TSPOAP1: variants seen among roughly 807,000 people sequenced by gnomAD.
TSPOAP1 encodes the protein peripheral-type benzodiazepine receptor-associated protein 1.
Under a neutral mutation model 197.0 loss-of-function variants are expected in TSPOAP1, and 87 were observed. That is an observed-to-expected ratio of 0.44 (90% CI 0.37 to 0.53). The LOEUF (loss-of-function observed/expected upper bound fraction) is 0.53, where lower values mean the gene tolerates loss of function less well. Among genes scored for constraint, TSPOAP1 ranks in the 20% least tolerant of loss-of-function variants. The pLI is 0.00. For synonymous variants in TSPOAP1, 913 were observed against 998.9 expected (o/e 0.91, Z 1.62); for missense variants, 2,174 against 2,411.3 (o/e 0.90, Z 2.06).
chr17:58,308,523 C>T lies in TSPOAP1; in HGVS notation c.4731+18G>A, dbSNP rs755504419. ...GGCAGCAGGCAGGGGCTGCCCAGGG[C>T]GGGGAGTGAGCACGGACCCGGGAGA... On this transcript the variant is annotated intron_variant, in intron 22 of 31. Coordinates refer to ENST00000343736, the MANE Select transcript of TSPOAP1 (RefSeq NM_004758.4). 6.9e-5 allele frequency: 104 copies of T among 1,507,316 alleles called. No individual in the cohort carries two copies. Among genetic ancestry groups the T allele is most frequent in the African/African-American group, 8.4e-5 (6 of 71,508 alleles). 93.4% of individuals were successfully genotyped at this position (1,507,316 alleles called of 1,614,324 possible).
chr17:58,309,200 C>T lies in TSPOAP1; in HGVS notation c.4072G>A (p.Gly1358Ser), dbSNP rs747402246. The part of the protein sequence containing the change: ...SGAGCSSRDP[G>S]PPEPALLGLG... ...CCCAGCAATGCAGGTTCAGGCGGGC[C>T]AGGGTCTCGGGAAGAACAGCCTGCC... The change falls in exon 22 of 32, where the codon GGC becomes AGC. Residue 1358 changes from glycine to serine, a missense_variant. Around this residue, in one of 5 missense-constraint regions of TSPOAP1, gnomAD observed 1,933 missense variants for 2,139.0 expected, o/e 0.90. Coordinates refer to ENST00000343736, the MANE Select transcript of TSPOAP1 (RefSeq NM_004758.4). The surrounding 1 kb of genome is among the most constrained non-coding windows in gnomAD (Gnocchi z 5.0). The T allele has an allele frequency of 6.2e-7, 1 of 1,614,046 alleles. No homozygotes were observed. Among genetic ancestry groups the T allele is most frequent in the Non-Finnish European group, 8.5e-7 (1 of 1,180,012 alleles).
chr17:58,310,352 G>T (rs1598061475), intron 20 of TSPOAP1, among the ~76,000 whole-genome samples, 160 bp downstream of exon 20: 1 of 152,232 alleles, frequency 6.6e-6, no homozygotes, highest in African/African-American at 2.4e-5. Flanking sequence ...ATGGGACAGA[G>T]AAATCCTAGA....
intron 26 of TSPOAP1, 125 bp from the exon 27 acceptor site, chr17:58,305,990 T>C (rs571253880): frequency 2.9e-6 from 3 of 1,051,172 alleles, no homozygotes; most frequent in Admixed American, 4.3e-5. Flanking sequence ...CGAGGGCGCA[T>C]CTCCCCAACC....
rs1356397654 is a variant in TSPOAP1 at position 58,306,908 on chromosome 17, A to G, written c.5044T>C (p.Tyr1682His). The G allele has an allele frequency of 6.2e-7, 1 of 1,613,522 alleles. No individual in the cohort carries two copies. Among genetic ancestry groups the G allele is most frequent in the South Asian group, 1.1e-5 (1 of 91,088 alleles). ...TCAGCCACCATGTTGCAGGGAATGT[A>G]GCCTGTCCGGCCCCCACCTTCGCCC... ...YQGEGGGRTG[Y>H]IPCNMVAEVA... The change falls in exon 25 of 32, where the codon TAC becomes CAC. Residue 1682 changes from tyrosine (Y) to histidine (H), a missense_variant. This residue lies in a region of TSPOAP1 where 161 missense variants were observed against 159.1 expected (regional missense o/e 1.01). Coordinates refer to ENST00000343736, the MANE Select transcript of TSPOAP1 (RefSeq NM_004758.4).
chr17:58,323,063 G>A lies in TSPOAP1; in HGVS notation c.1105-24C>T, dbSNP rs553187524. ...TCCTGAGCGGGCAGAGGAGCTCTCA[G>A]GAGGGAGCCCAGCACCCACATTCCC... On this transcript the variant is annotated intron_variant, in intron 7 of 31. Transcript: ENST00000343736. 4 of 1,593,488 alleles carry A rather than the reference G, an allele frequency of 2.5e-6. No individual in the cohort carries two copies. The Admixed American group carries it at 7.1e-5, about 28-fold the overall frequency.
At position 58,327,630 on chromosome 17, in the gene TSPOAP1, G is replaced by A; in HGVS notation, c.291C>T (p.Ala97=). ...CTTCCTCATCCTCTGGCCTCTGGCA[G>A]GCGGGTCCAGAGCTGGATGCTTGCT... The part of the protein sequence containing the change: ...LGQQASSSGP[A]CQRPEDEEVE... Residue 97 remains alanine, a synonymous_variant, in exon 1 of 32, where the codon GCC becomes GCT. Transcript: ENST00000343736. The A allele has an allele frequency of 6.2e-7, 1 of 1,613,562 alleles. No homozygotes were observed.
chr17:58,316,589 G>T, intron 14 of TSPOAP1, 49 bp from the exon 15 acceptor site: 1 of 1,487,690 alleles, frequency 6.7e-7, no homozygotes, highest in Non-Finnish European at 9.2e-7. Flanking sequence ...CTGGGGCCAA[G>T]CGCCAAGCAG....
Position 58,309,866 on chromosome 17 carries a change from GTT to G in TSPOAP1, c.3891+99_3891+100del. 1 of 1,438,060 alleles carries G rather than the reference GTT, an allele frequency of 7.0e-7. No individual in the cohort carries two copies. The highest frequency in any genetic ancestry group is 9.4e-7 in the Non-Finnish European group (1 of 1,065,944). The allele number at this position is 1,438,060 out of a possible 1,614,324, so 89.1% of individuals were successfully genotyped here. On this transcript the variant is annotated intron_variant, in intron 21 of 31. Transcript: ENST00000343736. The surrounding 1 kb of genome is among the most constrained non-coding windows in gnomAD (Gnocchi z 5.0). The stretch of plus-strand genomic sequence containing the variant: ...AGGGCCCAGGCCACAGACCTAGAAT[GTT>G]TCTGGCACTCAGTGGTGGTCAGAGC...
chr17:58,319,002 G>A (rs1971320976), intron 13 of TSPOAP1, 88 bp downstream of exon 13: 6 of 1,351,650 alleles, frequency 4.4e-6, no homozygotes, highest in Non-Finnish European at 5.9e-6. Flanking sequence ...TGGATGAGTT[G>A]CTGGCCTTCT....
Position 58,319,159 on chromosome 17 carries a change from G to A in TSPOAP1, c.1630C>T (p.Leu544Phe). 6.4e-7 allele frequency: 1 copy of A among 1,562,290 alleles called. No homozygotes were observed. The highest frequency in any genetic ancestry group is 1.4e-5 in the African/African-American group (1 of 73,620). The change falls in exon 13 of 32, where the codon CTT (leucine) becomes TTT (phenylalanine). Residue 544 changes from leucine (L) to phenylalanine (F), a missense_variant. Around this residue, in one of 5 missense-constraint regions of TSPOAP1, gnomAD observed 1,933 missense variants for 2,139.0 expected, o/e 0.90. Transcript: ENST00000343736. Reference sequence around the variant, plus strand: ...CAGGGGGGTGGTGGGCAGTCTCCAAGGCTCCCACAGTCCAGGGCAGATGTG... The same window carrying A: ...CAGGGGGGTGGTGGGCAGTCTCCAAAGCTCCCACAGTCCAGGGCAGATGTG... ...LLTSALDCGS[L>F]GDCPPPPCCC... is the part of the protein sequence containing the mutation.
chr17:58,309,246 G>T lies in TSPOAP1; in HGVS notation c.4026C>A (p.Asp1342Glu), dbSNP rs148608257. The change falls in exon 22 of 32, where the codon GAC becomes GAA. Residue 1342 changes from aspartate to glutamate, a missense_variant. Coordinates refer to ENST00000343736, the MANE Select transcript of TSPOAP1 (RefSeq NM_004758.4). The surrounding 1 kb of genome is among the most constrained non-coding windows in gnomAD (Gnocchi z 5.0). ...CTGCCCCTGACTTCTCCTCCTCCTC[G>T]TCCTCCTCTTCCTCTTCCTCCTCCT... Reference protein sequence around the residue: ...IPEEEEEEEEDEEEEKSGAGC... With the variant: ...IPEEEEEEEEEEEEEKSGAGC... The T allele has an allele frequency of 2.4e-5, 39 of 1,613,608 alleles. No individual in the cohort carries two copies. The highest frequency in any genetic ancestry group is 3.2e-5 in the Non-Finnish European group (38 of 1,179,918).
At position 58,322,361 on chromosome 17, in the gene TSPOAP1, G is replaced by C; in HGVS notation, c.1369C>G (p.Gln457Glu). Residue 457 changes from glutamine (Q) to glutamate (E), a missense_variant, in exon 10 of 32, where the codon CAG (glutamine) becomes GAG (glutamate). This residue lies in a region of TSPOAP1 where 1,933 missense variants were observed against 2,139.0 expected (regional missense o/e 0.90). Transcript: ENST00000343736. This position sits in a 1 kb window ranked among gnomAD's most constrained non-coding sequence, Gnocchi z 5.0. ...RRQQLEVEHE[Q>E]ARLSLREKQE... ...TTCTCCCGTAGGCTGAGCCGAGCCT[G>C]TTCATGCTCCACCTCCAGCTGCTGC... is the stretch of plus-strand genomic sequence containing the variant. 1 of 1,606,018 alleles carries C rather than the reference G, an allele frequency of 6.2e-7. No homozygotes were observed. The highest frequency in any genetic ancestry group is 8.5e-7 in the Non-Finnish European group (1 of 1,179,982).
chr17:58,316,247 A>G, intron 15 of TSPOAP1, 115 bp from the exon 16 acceptor site: 1 of 1,121,490 alleles, frequency 8.9e-7, no homozygotes, highest in Non-Finnish European at 1.3e-6. Context: ...GTGGTTGTCC[A>G]CCACCAGCAA....
Position 58,322,387 on chromosome 17 carries a change from C to A in TSPOAP1, c.1343G>T (p.Arg448Leu). The A allele has an allele frequency of 6.2e-7, 1 of 1,606,444 alleles. No individual in the cohort carries two copies. The highest frequency in any genetic ancestry group is 8.5e-7 in the Non-Finnish European group (1 of 1,179,966). ...LKHMREVAQR[R>L]QQLEVEHEQA... Reference sequence around the variant, plus strand: ...TTCATGCTCCACCTCCAGCTGCTGCCGCCGCTGGGCCACCTCCCGCATGTG... The same window carrying A: ...TTCATGCTCCACCTCCAGCTGCTGCAGCCGCTGGGCCACCTCCCGCATGTG... Residue 448 changes from arginine to leucine, a missense_variant, in exon 10 of 32, where the codon CGG becomes CTG. Physicochemically the swap from Arg to Leu is moderately radical, Grantham distance 102. Transcript: ENST00000343736. This position sits in a 1 kb window ranked among gnomAD's most constrained non-coding sequence, Gnocchi z 5.0.
At chr17:58,305,248 G>A (rs1262505190) in intron 29 of TSPOAP1, 77 bp from the exon 30 acceptor site, 3 of 1,485,210 alleles carry the variant, frequency 2.0e-6, no homozygotes, top group Non-Finnish European at 2.8e-6. Flanking sequence ...TGCCCCTGGG[G>A]AACAGCTGGG....
intron 13 of TSPOAP1, 136 bp downstream of exon 13, chr17:58,318,954 G>A (rs1401712899): frequency 5.8e-6 from 6 of 1,042,506 alleles, no homozygotes; most frequent in African/African-American, 4.8e-5. Flanking sequence ...ACAGAACGTG[G>A]TTCTAGCCAG....
rs1482596634 is a variant in TSPOAP1 at position 58,319,310 on chromosome 17, C to T, written c.1495-16G>A. The T allele has an allele frequency of 2.6e-6, 4 of 1,554,124 alleles. No homozygotes were observed. The highest frequency in any genetic ancestry group is 1.9e-5 in the Admixed American group (1 of 52,668). On this transcript the variant is annotated splice_polypyrimidine_tract_variant and intron_variant, in intron 12 of 31. Coordinates refer to ENST00000343736, the MANE Select transcript of TSPOAP1 (RefSeq NM_004758.4). ...GAACCCGGGCCTGGGCCAAGACCCA[C>T]CATGAGCCGCCAGGCCCCTCAAAGC... is the stretch of plus-strand genomic sequence containing the variant.
chr17:58,314,885 G>A (rs1236093332), intron 16 of TSPOAP1, among the ~76,000 whole-genome samples: 2 of 152,248 alleles, frequency 1.3e-5, no homozygotes, highest in Non-Finnish European at 2.9e-5. Flanking sequence ...AGACATAGAC[G>A]AAGCAGTCCT....
chr17:58,326,637 G>A lies in TSPOAP1; in HGVS notation c.441+46C>T, dbSNP rs2143162036. 3 of 1,595,638 alleles carry A rather than the reference G, an allele frequency of 1.9e-6. No homozygotes were observed. The African/African-American group carries it at 4.0e-5, about 21-fold the overall frequency. The stretch of plus-strand genomic sequence containing the variant: ...GGGTGAGGAGGGCACTGAGGCAGAG[G>A]GCCTGGCTCCAGCCAGAACGCAGCA... On this transcript the variant is annotated intron_variant, in intron 2 of 31. Transcript: ENST00000343736. This position sits in a 1 kb window ranked among gnomAD's most constrained non-coding sequence, Gnocchi z 4.7.
Sources: gnomAD v4.1 joint callset for allele counts (sites outside exome capture counted in the v4.1 genomes callset) on GRCh38, gnomAD v4.1.1 for gene constraint, gnomAD v4.1.1 regional missense constraint, Gnocchi (gnomAD v3.1) non-coding constraint, MANE v1.5 for transcripts, NCBI Gene and HGNC (gene_info 2026-07-23, HGNC 2026-07-21) for gene names.